Variants in CMKLR1 observed in about 807,000 individuals in gnomAD.
The protein encoded by CMKLR1 is chemerin-like receptor 1.
CMKLR1 carries 6 observed loss-of-function variants against 8.2 expected under a neutral mutation model. That is an observed-to-expected ratio of 0.73 (90% confidence interval 0.40 to 1.44). CMKLR1 has a LOEUF of 1.44. CMKLR1 is among the 40% of genes most tolerant of loss of function. The pLI, the probability that CMKLR1 is intolerant of heterozygous loss-of-function variation, is 0.02. For synonymous variants in CMKLR1, 178 were observed against 181.2 expected, an observed-to-expected ratio of 0.98 and a Z score of 0.14; for missense variants, 429 against 478.0, an observed-to-expected ratio of 0.90 and a Z score of 0.96.
At chr12:108,315,089 C>A (rs554111426) in intron 2 of CMKLR1, among the ~76,000 whole-genome samples, 87 of 152,046 alleles carry the variant, frequency 5.7e-4, no homozygotes, top group Non-Finnish European at 1.1e-3. Flanking sequence ...AGGCATGCGC[C>A]ACCACACCTG....
At chr12:108,327,807 CGAG>C (rs1202982843) in intron 2 of CMKLR1, among the ~76,000 whole-genome samples, 1 of 152,136 alleles carries the variant, frequency 6.6e-6, no homozygotes, top group East Asian at 1.9e-4. Flanking sequence ...GAAGGAAGAA[CGAG>C]GAGGTGCAGT....
At chr12:108,295,079 G>C (rs531531184) in intron 2 of CMKLR1, among the ~76,000 whole-genome samples, 277 of 152,348 alleles carry the variant, frequency 1.8e-3, no homozygotes, top group African/African-American at 6.3e-3. Flanking sequence ...GCACTGGAAT[G>C]CAGAGAGAAG....
intron 2 of CMKLR1, among the ~76,000 whole-genome samples, chr12:108,299,500 AC>A (rs1052380707): frequency 3.3e-5 from 5 of 151,386 alleles, no homozygotes; most frequent in African/African-American, 1.2e-4. Flanking sequence ...TCTGCATTCC[AC>A]CCCCTGCCCC....
At chr12:108,320,469 G>C (rs1891834945) in intron 2 of CMKLR1, 1 of 152,212 alleles carries the variant, frequency 6.6e-6, no homozygotes, top group Non-Finnish European at 1.5e-5. Context: ...CCCTCAGACT[G>C]TGAATACCTC....
chr12:108,298,951 G>A (rs1466540641), intron 2 of CMKLR1, among the ~76,000 whole-genome samples: 1 of 152,250 alleles, frequency 6.6e-6, no homozygotes, highest in African/African-American at 2.4e-5. Context: ...GGCAGCACAA[G>A]GTCCACGTGT....
intron 2 of CMKLR1, among the ~76,000 whole-genome samples, chr12:108,302,073 G>A (rs372568093): frequency 5.9e-5 from 9 of 152,150 alleles, no homozygotes; most frequent in Admixed American, 2.0e-4. Context: ...AAAAAACAGC[G>A]ACCCTGACAG....
intron 2 of CMKLR1, among the ~76,000 whole-genome samples, chr12:108,310,020 G>A (rs143416135): frequency 6.6e-6 from 1 of 152,288 alleles, no homozygotes; most frequent in Non-Finnish European, 1.5e-5. Context: ...AAGAGAAAGG[G>A]CTGGGGAAAT....
At chr12:108,296,372 ATTG>A (rs1891135169) in intron 2 of CMKLR1, among the ~76,000 whole-genome samples, 1 of 152,164 alleles carries the variant, frequency 6.6e-6, no homozygotes. Flanking sequence ...TAAGCACTAT[ATTG>A]TTGTTATTGG....
At chr12:108,293,003 C>T (rs1796656467) in intron 3 of CMKLR1, 44 bp from the exon 4 acceptor site, 2 of 1,546,384 alleles carry the variant, frequency 1.3e-6, no homozygotes, top group African/African-American at 1.4e-5. Context: ...CTAGAGTTGG[C>T]TTTAAGAGGT....
intron 3 of CMKLR1, among the ~76,000 whole-genome samples, chr12:108,293,353 G>T: frequency 6.6e-6 from 1 of 152,246 alleles, no homozygotes; most frequent in East Asian, 1.9e-4. Flanking sequence ...TCTGCTTGGG[G>T]CCCTGTCTTC....
At chr12:108,305,049 C>T (rs538326204) in intron 2 of CMKLR1, among the ~76,000 whole-genome samples, 1 of 152,366 alleles carries the variant, frequency 6.6e-6, no homozygotes, top group South Asian at 2.1e-4. Context: ...ACCTCTCCTC[C>T]AATTCTGTCA....
intron 1 of CMKLR1, among the ~76,000 whole-genome samples, chr12:108,334,703 G>A (rs1892181369): frequency 1.3e-5 from 2 of 152,176 alleles, no homozygotes; most frequent in African/African-American, 4.8e-5. Flanking sequence ...CCTAGGACAG[G>A]AATAAGATGT....
At chr12:108,312,061 G>A (rs999912955) in intron 2 of CMKLR1, among the ~76,000 whole-genome samples, 2 of 152,172 alleles carry the variant, frequency 1.3e-5, no homozygotes, top group Non-Finnish European at 2.9e-5. Flanking sequence ...AGAGGAAAGA[G>A]ACCCATCCTG....
At chr12:108,321,207 G>A (rs1444430013) in intron 2 of CMKLR1, among the ~76,000 whole-genome samples, 2 of 152,198 alleles carry the variant, frequency 1.3e-5, no homozygotes, top group African/African-American at 2.4e-5. Flanking sequence ...ACTGGAGGAG[G>A]CAAGTGAGGC....
chr12:108,328,256 T>C (rs142974164), intron 2 of CMKLR1, among the ~76,000 whole-genome samples: 3 of 152,328 alleles, frequency 2.0e-5, no homozygotes, highest in African/African-American at 7.2e-5. Context: ...AACGAAACTA[T>C]GACTTTGGCA....
chr12:108,301,662 G>C (rs7301170), intron 2 of CMKLR1, among the ~76,000 whole-genome samples: 2 of 152,134 alleles, frequency 1.3e-5, no homozygotes, highest in Non-Finnish European at 2.9e-5. Context: ...TGTCGTCACA[G>C]ACTTTTTCCA....
At chr12:108,297,808 T>C (rs998234891) in intron 2 of CMKLR1, among the ~76,000 whole-genome samples, 1 of 152,206 alleles carries the variant, frequency 6.6e-6, no homozygotes, top group Non-Finnish European at 1.5e-5. Context: ...CCCAAACCTT[T>C]GTCACATTCC....
chr12:108,310,950 C>A (rs559183362), intron 2 of CMKLR1, among the ~76,000 whole-genome samples: 3 of 145,640 alleles, frequency 2.1e-5, no homozygotes, highest in Admixed American at 1.4e-4. Context: ...TCGAAGACCG[C>A]CCCCCCACCC....
At position 108,336,108 on chromosome 12, in the gene CMKLR1, G is replaced by T. The variant is rs1420897129; in HGVS notation, c.-287+2919C>A. On this transcript the variant is annotated intron_variant, in intron 1 of 3. Coordinates refer to ENST00000550402, the MANE Select transcript of CMKLR1 (RefSeq NM_001142343.2). ...CCCAAGACCCCAGTGTGAACAAAGG[G>T]CAAAAAGGAAAGACTTTTAAGCACT... Among the ~76,000 whole-genome samples the T allele has an allele frequency of 2.6e-5, 4 of 152,252 alleles. No homozygotes were observed. The East Asian group carries it at 7.7e-4, about 29-fold the overall frequency.
Sources: gnomAD v4.1 joint callset for allele counts (sites outside exome capture counted in the v4.1 genomes callset) on GRCh38, gnomAD v4.1.1 for gene constraint, MANE v1.5 for transcripts, NCBI Gene and HGNC (gene_info 2026-07-23, HGNC 2026-07-21) for gene names.